ZRANB3: variants seen among roughly 807,000 people sequenced by gnomAD.
The protein encoded by ZRANB3 is DNA annealing helicase and endonuclease ZRANB3.
ZRANB3 carries 125 observed loss-of-function variants against 133.8 expected under a neutral mutation model. That is an observed-to-expected ratio of 0.93 (90% confidence interval 0.81 to 1.08). ZRANB3 has a LOEUF of 1.08. ZRANB3 is among the 50% of genes least tolerant of loss of function. ZRANB3 has a pLI of 0.00. For missense variants in ZRANB3, 1,229 were observed against 1,275.5 expected (o/e 0.96, Z 0.56); for synonymous variants, 387 against 432.7 (o/e 0.89, Z 1.31).
chr2:135,434,534 A>C (rs1689448220), intron 2 of ZRANB3, among the ~76,000 whole-genome samples: 1 of 152,236 alleles, frequency 6.6e-6, no homozygotes. Flanking sequence ...CAGGGCTAGA[A>C]GTGAGTATTT....
At chr2:135,523,988 G>C (rs1694047908) in intron 1 of ZRANB3, among the ~76,000 whole-genome samples, 1 of 152,126 alleles carries the variant, frequency 6.6e-6, no homozygotes, top group African/African-American at 2.4e-5. Flanking sequence ...GGTTCTCCTG[G>C]AAGCCACCTA....
rs1246298782 is a variant in ZRANB3, at chr2:135,435,067, T to C, written c.162-44247A>G. On this transcript the variant is annotated intron_variant, in intron 2 of 20. Transcript: ENST00000264159. ...GTAAACATTCGTCACAGGGGTTTGT[T>C]GTACATATTATTTCATAACCCACAT... Among the ~76,000 whole-genome samples the C allele has an allele frequency of 2.0e-5, 3 of 152,028 alleles. No individual in the cohort carries two copies. In the East Asian group the frequency reaches 5.8e-4, roughly 29 times the overall value.
At chr2:135,521,787 T>C (rs895577778) in intron 1 of ZRANB3, among the ~76,000 whole-genome samples, 1 of 152,192 alleles carries the variant, frequency 6.6e-6, no homozygotes, top group Non-Finnish European at 1.5e-5. Context: ...AAATGCTTGG[T>C]ATGGTACACC....
chr2:135,398,752 T>C (rs1054122416), intron 2 of ZRANB3, among the ~76,000 whole-genome samples: 2 of 151,174 alleles, frequency 1.3e-5, no homozygotes, highest in Non-Finnish European at 1.5e-5. Flanking sequence ...CTCGATCTCC[T>C]GACCTCGTGA....
chr2:135,346,267 T>A (rs1177652612), intron 5 of ZRANB3, among the ~76,000 whole-genome samples: 1 of 151,934 alleles, frequency 6.6e-6, no homozygotes, highest in Non-Finnish European at 1.5e-5. Flanking sequence ...CGGCTAATTT[T>A]GTTTTTGTAT....
At chr2:135,343,953 T>A (rs901801486) in intron 6 of ZRANB3, among the ~76,000 whole-genome samples, 10 of 139,694 alleles carry the variant, frequency 7.2e-5, no homozygotes, top group African/African-American at 3.4e-4. Flanking sequence ...CCGTGGAGTA[T>A]GATTTGGAAA....
chr2:135,390,731 T>C (rs1326419044), intron 3 of ZRANB3, 71 bp downstream of exon 3: 6 of 1,530,324 alleles, frequency 3.9e-6, no homozygotes, highest in Admixed American at 2.0e-5. Flanking sequence ...AAAGAGTACA[T>C]GGAAAATAGC....
chr2:135,228,169 A>G (rs1694833852), intron 13 of ZRANB3, 154 bp from the exon 14 acceptor site: 1 of 615,726 alleles, frequency 1.6e-6, no homozygotes, highest in Admixed American at 3.2e-5. Context: ...ACCCAGTACT[A>G]TTCTAGATGC....
At chr2:135,209,488 C>G (rs1483759926) in intron 17 of ZRANB3, among the ~76,000 whole-genome samples, 1 of 152,200 alleles carries the variant, frequency 6.6e-6, no homozygotes, top group Non-Finnish European at 1.5e-5. Context: ...CTTCTGTAAT[C>G]TCAAGGTTGT....
chr2:135,413,053 G>C (rs557133226), intron 2 of ZRANB3, among the ~76,000 whole-genome samples: 1 of 152,108 alleles, frequency 6.6e-6, no homozygotes, highest in Non-Finnish European at 1.5e-5. Flanking sequence ...ACAAAACACT[G>C]AATGTTATTT....
intron 6 of ZRANB3, among the ~76,000 whole-genome samples, chr2:135,327,430 C>A (rs1459104453): frequency 6.6e-6 from 1 of 151,986 alleles, no homozygotes; most frequent in Non-Finnish European, 1.5e-5. Context: ...TATAGAAAAC[C>A]AAACAGATGG....
intron 12 of ZRANB3, 25 bp from the exon 13 acceptor site, chr2:135,230,952 C>A (rs1357059839): frequency 6.6e-7 from 1 of 1,516,536 alleles, no homozygotes; most frequent in South Asian, 1.4e-5. Context: ...CAGTAGTTAT[C>A]AAAGTAAGAA....
chr2:135,508,314 T>C (rs1226013248), intron 1 of ZRANB3, among the ~76,000 whole-genome samples: 1 of 152,100 alleles, frequency 6.6e-6, no homozygotes, highest in African/African-American at 2.4e-5. Flanking sequence ...ATTTTTTGTA[T>C]TTTTAGTAGA....
chr2:135,427,397 A>G (rs1244733660), intron 2 of ZRANB3, among the ~76,000 whole-genome samples: 1 of 152,148 alleles, frequency 6.6e-6, no homozygotes, highest in African/African-American at 2.4e-5. Context: ...ACAAAAATCA[A>G]CAGCATTTCT....
At chr2:135,284,565 G>A (rs530684185) in intron 8 of ZRANB3, among the ~76,000 whole-genome samples, 134 of 152,266 alleles carry the variant, frequency 8.8e-4, no homozygotes, top group African/African-American at 2.7e-3. Context: ...TCCGCCTCCC[G>A]GGTTCACGCC....
chr2:135,277,074 G>A (rs1352437169), intron 8 of ZRANB3, among the ~76,000 whole-genome samples: 1 of 152,044 alleles, frequency 6.6e-6, no homozygotes, highest in African/African-American at 2.4e-5. Flanking sequence ...TTGATGATAG[G>A]TATATCCTAC....
intron 12 of ZRANB3, among the ~76,000 whole-genome samples, chr2:135,258,553 C>A (rs1041843150): frequency 3.2e-4 from 48 of 152,200 alleles, no homozygotes; most frequent in Admixed American, 2.9e-3. Flanking sequence ...TACAATGTAT[C>A]CGCATGCCTA....
chr2:135,220,920 G>C (rs1694526558), intron 15 of ZRANB3, among the ~76,000 whole-genome samples: 1 of 146,928 alleles, frequency 6.8e-6, no homozygotes, highest in Non-Finnish European at 1.5e-5. Context: ...GCAGTGGCAC[G>C]ATCTTGGCTC....
intron 3 of ZRANB3, among the ~76,000 whole-genome samples, chr2:135,382,042 T>A (rs760307751): frequency 2.5e-4 from 38 of 152,254 alleles, no homozygotes; most frequent in Non-Finnish European, 5.0e-4. Context: ...ATCAAACTTC[T>A]TCGAGCTAAA....
Sources: allele counts gnomAD v4.1 joint callset (sites outside exome capture counted in the v4.1 genomes callset), GRCh38; gene constraint gnomAD v4.1.1; transcripts MANE v1.5; gene names NCBI Gene and HGNC (gene_info 2026-07-23, HGNC 2026-07-21).